Variants in ZNF716 observed in about 807,000 individuals in gnomAD.
ZNF716 encodes zinc finger protein 716.
Under a neutral mutation model 13.4 loss-of-function variants are expected in ZNF716, and 9 were observed. The observed-to-expected ratio is 0.67, with a 90% CI of 0.41 to 1.18. The LOEUF (loss-of-function observed/expected upper bound fraction) is 1.18, where lower values mean the gene tolerates loss of function less well. ZNF716 is among the 50% of genes most tolerant of loss of function. The probability of loss-of-function intolerance (pLI) is 0.01; values close to 1 mark genes in which losing one functional copy is unlikely to be tolerated. For synonymous variants in ZNF716, 186 were observed against 195.2 expected (o/e 0.95, Z 0.39); for missense variants, 581 against 576.6 (o/e 1.01, Z -0.08).
In ZNF716 at chr7:57,469,056, C is replaced by T. The variant is rs377372982; in HGVS notation, c.595C>T (p.Arg199Cys). 2.2e-4 allele frequency: 347 copies of T among 1,607,152 alleles called. 1 individual carries two copies. Among genetic ancestry groups the T allele is most frequent in the Non-Finnish European group, 2.6e-4 (308 of 1,176,168 alleles). Residue 199 changes from arginine (R) to cysteine (C), a missense_variant, in exon 4 of 4, where the codon CGC becomes TGC. Arg to Cys is a radical substitution (Grantham distance 180). Coordinates refer to ENST00000420713, the MANE Select transcript of ZNF716 (RefSeq NM_001159279.1). ...TGGCAAATCATTTTGCATGCTTTCA[C>T]GCCTAAATCAACATCAGATAATTCA... ...NDGKSFCMLS[R>C]LNQHQIIHTR...
chr7:57,469,727 C>A lies in ZNF716; in HGVS notation c.1266C>A (p.Thr422=), dbSNP rs1562680198. Residue 422 remains threonine, a synonymous_variant, in exon 4 of 4, where the codon ACC becomes ACA. Transcript: ENST00000420713. ...ECGKAFNCSS[T]LKKHKIIHTG... ...GCAAAGCCTTTAACTGCTCCTCAAC[C>A]CTTAAGAAACATAAGATAATTCATA... The A allele has an allele frequency of 6.2e-7, 1 of 1,612,736 alleles. No homozygotes were observed. Among genetic ancestry groups the A allele is most frequent in the Non-Finnish European group, 8.5e-7 (1 of 1,179,558 alleles).
rs1488605821 is a variant in ZNF716, at chr7:57,470,866, C to G, written c.*917C>G. On this transcript the variant is annotated 3_prime_UTR_variant, in exon 4 of 4. Coordinates refer to ENST00000420713, the MANE Select transcript of ZNF716 (RefSeq NM_001159279.1). Reference sequence around the variant, plus strand: ...ATTTTTCTAAAATAGAGAAATCATACTGGTGAAAAACTCTAGAAATGTGTT... The same window carrying G: ...ATTTTTCTAAAATAGAGAAATCATAGTGGTGAAAAACTCTAGAAATGTGTT... The G allele has an allele frequency of 6.6e-6, 1 of 152,010 alleles. No homozygotes were observed. The highest frequency in any genetic ancestry group is 1.5e-5 in the Non-Finnish European group (1 of 68,008). 9.4% of individuals were successfully genotyped at this position (152,010 alleles called of 1,614,324 possible).
At chr7:57,455,640 C>T (rs1255481163) in intron 1 of ZNF716, among the ~76,000 whole-genome samples, 1 of 151,918 alleles carries the variant, frequency 6.6e-6, no homozygotes, top group Non-Finnish European at 1.5e-5. Context: ...CCTCAGCCTC[C>T]CAAATAGCTG....
chr7:57,458,212 G>A (rs191585201), intron 1 of ZNF716, among the ~76,000 whole-genome samples: 1 of 152,234 alleles, frequency 6.6e-6, no homozygotes. Flanking sequence ...CTGTTATCAG[G>A]TTTTTGAAAA....
intron 3 of ZNF716, 149 bp from the exon 4 acceptor site, chr7:57,468,575 A>G: frequency 1.2e-6 from 1 of 804,680 alleles, no homozygotes; most frequent in South Asian, 1.9e-5. Flanking sequence ...ATTTTGTTAC[A>G]TTTATACATC....
In ZNF716 at chr7:57,470,254, T is replaced by C. The variant is rs182428507; in HGVS notation, c.*305T>C. 1,018 of 200,266 alleles carry C rather than the reference T, an allele frequency of 5.1e-3. 8 individuals are homozygous for C. Among genetic ancestry groups the C allele is most frequent in the African/African-American group, 0.023 (957 of 42,362 alleles). 12.4% of individuals were successfully genotyped at this position (200,266 alleles called of 1,614,324 possible). On this transcript the variant is annotated 3_prime_UTR_variant, in exon 4 of 4. Coordinates refer to ENST00000420713, the MANE Select transcript of ZNF716 (RefSeq NM_001159279.1). ...ATGTCAGCTCACTGCAACCTCTGCC[T>C]CCTGGGTTCAAGCGATTCTCCTGCC...
intron 1 of ZNF716, among the ~76,000 whole-genome samples, chr7:57,460,696 A>T (rs1452714278): frequency 6.6e-6 from 1 of 152,154 alleles, no homozygotes; most frequent in African/African-American, 2.4e-5. Flanking sequence ...GAAGGTGTGG[A>T]TACTCAATAT....
chr7:57,454,086 G>A (rs567290520), intron 1 of ZNF716, among the ~76,000 whole-genome samples: 17 of 152,272 alleles, frequency 1.1e-4, no homozygotes, highest in African/African-American at 4.1e-4. Context: ...GCCCACCTGT[G>A]CCTCTCAAAT....
rs1395272323 is a variant in ZNF716 at position 57,473,042 on chromosome 7, T to C, written c.*3093T>C. 4 of 152,188 alleles carry C rather than the reference T, an allele frequency of 2.6e-5. No individual in the cohort carries two copies. The highest frequency in any genetic ancestry group is 9.6e-5 in the African/African-American group (4 of 41,464). The allele number at this position is 152,188 out of a possible 1,614,324, so 9.4% of individuals were successfully genotyped here. On this transcript the variant is annotated 3_prime_UTR_variant, in exon 4 of 4. Transcript: ENST00000420713. ...ATTTCAATATGTGCAATTGAATTAC[T>C]ATTAACCACAGGGTCATTTTATGAT...
chr7:57,468,940 A>G lies in ZNF716; in HGVS notation c.479A>G (p.His160Arg). 3.7e-6 allele frequency: 6 copies of G among 1,611,310 alleles called. No individual in the cohort carries two copies. Among genetic ancestry groups the G allele is most frequent in the Non-Finnish European group, 4.2e-6 (5 of 1,178,472 alleles). The change falls in exon 4 of 4, where the codon CAT becomes CGT. Residue 160 changes from histidine (H) to arginine (R), a missense_variant. Transcript: ENST00000420713. ...SATQNKTFQT[H>R]KCVKVFGKFS... is the part of the protein sequence containing the mutation. ...ACCCAAAACAAAACATTTCAGACTC[A>G]TAAATGCGTCAAAGTCTTTGGTAAA... is the stretch of plus-strand genomic sequence containing the variant.
chr7:57,452,405 C>T (rs782114538), intron 1 of ZNF716, among the ~76,000 whole-genome samples: 20 of 151,862 alleles, frequency 1.3e-4, no homozygotes, highest in Non-Finnish European at 2.5e-4. Flanking sequence ...GAGACTGAGG[C>T]GAGCAAATCA....
chr7:57,466,924 G>A (rs1366761587), intron 3 of ZNF716, among the ~76,000 whole-genome samples: 3 of 151,804 alleles, frequency 2.0e-5, no homozygotes, highest in Non-Finnish European at 4.4e-5. Context: ...ATACATATAT[G>A]TAGACATAAT....
rs1316604924 is a variant in ZNF716 at position 57,450,283 on chromosome 7, A to G, written c.-6A>G. 6.2e-7 allele frequency: 1 copy of G among 1,613,996 alleles called. No homozygotes were observed. The highest frequency in any genetic ancestry group is 8.5e-7 in the Non-Finnish European group (1 of 1,179,958). The stretch of plus-strand genomic sequence containing the variant: ...GGCCTTGTGTCCTGCAAGTATTCGC[A>G]GATTTATGGCTAAAAGACCGGGACC... On this transcript the variant is annotated 5_prime_UTR_variant, in exon 1 of 4. Transcript: ENST00000420713.
chr7:57,465,851 C>T (rs1472645861), intron 3 of ZNF716, among the ~76,000 whole-genome samples: 4 of 152,088 alleles, frequency 2.6e-5, no homozygotes, highest in African/African-American at 9.7e-5. Flanking sequence ...TGCTATGCAG[C>T]CATAATAAAT....
rs1789863339 is a variant in ZNF716 at position 57,468,940 on chromosome 7, A to T, written c.479A>T (p.His160Leu). The change falls in exon 4 of 4, where the codon CAT (histidine) becomes CTT (leucine). Residue 160 changes from histidine to leucine, a missense_variant. His to Leu is a moderately conservative substitution (Grantham distance 99). Transcript: ENST00000420713. ...ACCCAAAACAAAACATTTCAGACTC[A>T]TAAATGCGTCAAAGTCTTTGGTAAA... ...SATQNKTFQT[H>L]KCVKVFGKFS... 6.2e-7 allele frequency: 1 copy of T among 1,611,310 alleles called. No individual in the cohort carries two copies. Among genetic ancestry groups the T allele is most frequent in the Admixed American group, 1.7e-5 (1 of 59,312 alleles).
chr7:57,451,010 A>G (rs1291148768), intron 1 of ZNF716, among the ~76,000 whole-genome samples: 2 of 144,388 alleles, frequency 1.4e-5, no homozygotes, highest in African/African-American at 5.3e-5. Context: ...TCAAGAAAGT[A>G]ATTTCCAAGA....
rs1251194049 is a variant in ZNF716, at chr7:57,472,503, G to C, written c.*2554G>C. ...TTGTTTTGAGACTAAGTCTTACTCT[G>C]TCACCCAGACTGGGGTGCAGTGGTG... On this transcript the variant is annotated 3_prime_UTR_variant, in exon 4 of 4. Transcript: ENST00000420713. 6.6e-6 allele frequency: 1 copy of C among 152,140 alleles called. No homozygotes were observed. The highest frequency in any genetic ancestry group is 1.5e-5 in the Non-Finnish European group (1 of 68,052). The allele number at this position is 152,140 out of a possible 1,614,324, so 9.4% of individuals were successfully genotyped here.
At chr7:57,460,579 T>A (rs1470419691) in intron 1 of ZNF716, among the ~76,000 whole-genome samples, 10 of 152,134 alleles carry the variant, frequency 6.6e-5, no homozygotes, top group Admixed American at 3.9e-4. Context: ...TACCATAGCC[T>A]TCTATACATT....
At chr7:57,464,898 C>A (rs575946583) in intron 3 of ZNF716, among the ~76,000 whole-genome samples, 2 of 152,152 alleles carry the variant, frequency 1.3e-5, no homozygotes, top group Non-Finnish European at 2.9e-5. Flanking sequence ...CAGAAGAGTT[C>A]ATTGCTGGCC....
Sources: gnomAD v4.1 joint callset for allele counts (sites outside exome capture counted in the v4.1 genomes callset) on GRCh38, gnomAD v4.1.1 for gene constraint, MANE v1.5 for transcripts, NCBI Gene and HGNC (gene_info 2026-07-23, HGNC 2026-07-21) for gene names.